The following SLC25A43 variants were observed in gnomAD, a reference collection of about 807,000 sequenced individuals.
SLC25A43 encodes solute carrier family 25, member 43.
SLC25A43 carries 10 observed loss-of-function variants against 22.8 expected under a neutral mutation model. The observed-to-expected ratio is 0.44, with a 90% CI of 0.27 to 0.74. The LOEUF (loss-of-function observed/expected upper bound fraction) is 0.74. Among genes scored for constraint, SLC25A43 ranks in the 30% least tolerant of loss-of-function variants. The pLI, the probability that SLC25A43 is intolerant of heterozygous loss-of-function variation, is 0.17. For missense variants in SLC25A43, 233 were observed against 279.1 expected (o/e 0.83, Z 1.18); for synonymous variants, 106 against 121.6 (o/e 0.87, Z 0.84).
intron 3 of SLC25A43, among the ~76,000 whole-genome samples, chrX:119,442,096 T>A (rs932513193): frequency 5.6e-5 from 4 of 71,794 alleles, no homozygotes; most frequent in African/African-American, 2.0e-4. Flanking sequence ...TCTCAAAAAA[T>A]AATAATAATA....
In SLC25A43 at chrX:119,426,449, G is replaced by T. The variant is rs187064500; in HGVS notation, c.690+16087G>T. ...GCCCATAATAAGTACTGTCAATAATGCTAAGATGCCATGTTTATTGTTCTT... is the reference window on the plus strand; with the variant it reads ...GCCCATAATAAGTACTGTCAATAATTCTAAGATGCCATGTTTATTGTTCTT... On this transcript the variant is annotated intron_variant, in intron 3 of 4. Transcript: ENST00000217909. 4.9e-3 allele frequency: 564 copies of T among 115,031 alleles called. 1 individual carries two copies. The highest frequency in any genetic ancestry group is 7.8e-3 in the Middle Eastern group (8 of 1,027). 9.5% of individuals were successfully genotyped at this position (115,031 alleles called of 1,213,427 possible).
intron 3 of SLC25A43, chrX:119,434,664 G>A (rs1016625477): frequency 9.2e-6 from 1 of 108,344 alleles, no homozygotes; most frequent in Non-Finnish European, 1.9e-5. Flanking sequence ...GTGACCTCTC[G>A]GGAGCGGGGG....
intron 2 of SLC25A43, 83 bp from the exon 3 acceptor site, chrX:119,410,107 C>T: frequency 9.3e-7 from 1 of 1,071,166 alleles, no homozygotes; most frequent in South Asian, 2.1e-5. Flanking sequence ...GTTTTCTTTC[C>T]CCGGAATCCC....
At chrX:119,420,219 A>G (rs2052440019) in intron 3 of SLC25A43, among the ~76,000 whole-genome samples, 1 of 110,390 alleles carries the variant, frequency 9.1e-6, no homozygotes, top group African/African-American at 3.3e-5. Flanking sequence ...TGCTCATTTC[A>G]ATCCTCTCCA....
intron 1 of SLC25A43, among the ~76,000 whole-genome samples, chrX:119,403,568 G>A (rs767549199): frequency 2.7e-5 from 3 of 111,987 alleles, no homozygotes; most frequent in Non-Finnish European, 3.8e-5. Flanking sequence ...GATTACAGGC[G>A]TGAGCCACCA....
rs781619652 is a variant in SLC25A43, at chrX:119,444,824, C to T, written c.691-7185C>T. On this transcript the variant is annotated intron_variant, in intron 3 of 4. Coordinates refer to ENST00000217909, the MANE Select transcript of SLC25A43 (RefSeq NM_145305.3). ...CCGAGGTGGGTGGCTCACTTGAGGT[C>T]AGGAGTTTGAGACCAGCCTGGCCAA... Among the ~76,000 whole-genome samples the T allele has an allele frequency of 1.0e-4, 11 of 109,670 alleles. No individual in the cohort carries two copies. The East Asian group carries it at 3.1e-3, about 31-fold the overall frequency.
intron 3 of SLC25A43, chrX:119,423,035 A>G (rs895523591): frequency 2.7e-5 from 3 of 111,321 alleles, no homozygotes; most frequent in African/African-American, 9.8e-5. Context: ...CCTCTCTGAT[A>G]CCAAAATCCA....
rs767776458 is a variant in SLC25A43 at position 119,453,020 on chromosome X, G to T, written c.981G>T (p.Lys327Asn). Reference protein sequence around the residue: ...LQPQELRELKKFFKTRKPKPK... With the variant: ...LQPQELRELKNFFKTRKPKPK... ...CCCAGGAATTACGAGAATTAAAGAAGTTCTTCAAAACGAGAAAACCGAAGC... is the reference window on the plus strand; with the variant it reads ...CCCAGGAATTACGAGAATTAAAGAATTTCTTCAAAACGAGAAAACCGAAGC... The change falls in exon 5 of 5, where the codon AAG (lysine) becomes AAT (asparagine). Residue 327 changes from lysine (K) to asparagine (N), a missense_variant. Coordinates refer to ENST00000217909, the MANE Select transcript of SLC25A43 (RefSeq NM_145305.3). The T allele has an allele frequency of 3.8e-5, 46 of 1,209,678 alleles. No individual in the cohort carries two copies. The highest frequency in any genetic ancestry group is 4.8e-5 in the Non-Finnish European group (43 of 895,199).
intron 3 of SLC25A43, among the ~76,000 whole-genome samples, chrX:119,443,807 G>A (rs1326731336): frequency 1.8e-5 from 2 of 109,208 alleles, no homozygotes; most frequent in African/African-American, 6.7e-5. Flanking sequence ...TTGCCGTGGT[G>A]CAATCTCGGC....
chrX:119,427,315 C>G (rs943894460), intron 3 of SLC25A43, among the ~76,000 whole-genome samples: 1 of 112,104 alleles, frequency 8.9e-6, no homozygotes, highest in East Asian at 2.8e-4. Flanking sequence ...TACTAACCTA[C>G]TGTGGTTTGC....
intron 3 of SLC25A43, among the ~76,000 whole-genome samples, chrX:119,428,845 C>T (rs1291364190): frequency 1.8e-5 from 2 of 110,942 alleles, no homozygotes; most frequent in Non-Finnish European, 3.8e-5. Flanking sequence ...CTATTGTGAG[C>T]TGTGCGTGCA....
intron 3 of SLC25A43, among the ~76,000 whole-genome samples, chrX:119,427,345 C>A (rs1266849988): frequency 8.9e-6 from 1 of 111,995 alleles, no homozygotes. Context: ...CCATTGTGAT[C>A]GCAGGCTTTC....
chrX:119,417,972 C>G (rs1282967236), intron 3 of SLC25A43, among the ~76,000 whole-genome samples: 7 of 110,616 alleles, frequency 6.3e-5, no homozygotes, highest in Non-Finnish European at 1.3e-4. Flanking sequence ...AATTCACCCC[C>G]AAGACAGAAC....
intron 3 of SLC25A43, among the ~76,000 whole-genome samples, chrX:119,433,949 T>G (rs1356593277): frequency 9.0e-6 from 1 of 111,310 alleles, no homozygotes; most frequent in Admixed American, 9.6e-5. Context: ...CACTGAAGAG[T>G]TGAAGTCAAG....
chrX:119,424,282 T>C (rs2052484209), intron 3 of SLC25A43, among the ~76,000 whole-genome samples: 1 of 111,237 alleles, frequency 9.0e-6, no homozygotes, highest in Admixed American at 9.6e-5. Flanking sequence ...ACTTAATGTA[T>C]ACAAGGCAGT....
chrX:119,425,067 A>G (rs2052491520), intron 3 of SLC25A43, among the ~76,000 whole-genome samples: 1 of 110,016 alleles, frequency 9.1e-6, no homozygotes, highest in Non-Finnish European at 1.9e-5. Context: ...GAGAGAGGAA[A>G]AAAAAAAAAT....
At chrX:119,403,359 G>A (rs952758769) in intron 1 of SLC25A43, among the ~76,000 whole-genome samples, 4 of 108,303 alleles carry the variant, frequency 3.7e-5, no homozygotes, top group Non-Finnish European at 7.7e-5. Context: ...ACGCAATCTC[G>A]GCTCACTGCA....
rs1411588491 is a variant in SLC25A43 at position 119,452,002 on chromosome X, C to T, written c.691-7C>T. The T allele has an allele frequency of 1.7e-6, 2 of 1,210,691 alleles. No individual in the cohort carries two copies. The highest frequency in any genetic ancestry group is 4.4e-5 in the Admixed American group (2 of 45,939). ...ATCACCTCATCCCAGCTTCTGTTTC[C>T]TGTCAGGCTCAGAGCCCCTACCTCC... On this transcript the variant is annotated splice_region_variant and splice_polypyrimidine_tract_variant and intron_variant, in intron 3 of 4. Coordinates refer to ENST00000217909, the MANE Select transcript of SLC25A43 (RefSeq NM_145305.3).
chrX:119,419,922 C>T (rs2052438046), intron 3 of SLC25A43, among the ~76,000 whole-genome samples: 1 of 111,822 alleles, frequency 8.9e-6, no homozygotes. Context: ...TGGACCTTAT[C>T]AGCTCATACC....
Sources: allele counts gnomAD v4.1 joint callset (sites outside exome capture counted in the v4.1 genomes callset), GRCh38; gene constraint gnomAD v4.1.1; transcripts MANE v1.5; gene names NCBI Gene and HGNC (gene_info 2026-07-23, HGNC 2026-07-21).